ADAMTS3: variants seen among roughly 807,000 people sequenced by gnomAD.
The protein encoded by ADAMTS3 is ADAM metallopeptidase with thrombospondin type 1 motif 3.
A neutral mutation model predicts 129.0 loss-of-function variants in ADAMTS3; 73 were observed. That is an observed-to-expected ratio of 0.57 (90% CI 0.47 to 0.69). The LOEUF (loss-of-function observed/expected upper bound fraction) is 0.69. Ranked by LOEUF, ADAMTS3 falls within the 30% of genes least tolerant of loss-of-function variation. The pLI is 0.00. For synonymous variants in ADAMTS3, 477 were observed against 510.8 expected (o/e 0.93, Z 0.89); for missense variants, 1,457 against 1,514.5 (o/e 0.96, Z 0.63).
chr4:72,343,106 C>G (rs1166211591), intron 4 of ADAMTS3, among the ~76,000 whole-genome samples: 3 of 152,134 alleles, frequency 2.0e-5, no homozygotes, highest in East Asian at 1.9e-4. Context: ...TAAGGGCCCA[C>G]AGATTAGTTG....
chr4:72,477,078 T>A (rs1231658648), intron 3 of ADAMTS3, among the ~76,000 whole-genome samples: 1 of 152,034 alleles, frequency 6.6e-6, no homozygotes, highest in Admixed American at 6.6e-5. Context: ...AACATTATAT[T>A]TAAGTGGTAA....
intron 3 of ADAMTS3, among the ~76,000 whole-genome samples, chr4:72,447,164 C>T (rs766117834): frequency 4.6e-5 from 7 of 151,692 alleles, no homozygotes; most frequent in Non-Finnish European, 1.0e-4. Flanking sequence ...GCAGATTATA[C>T]AAGGGCTCTA....
intron 2 of ADAMTS3, among the ~76,000 whole-genome samples, chr4:72,555,457 T>C (rs2109798327): frequency 6.6e-6 from 1 of 151,922 alleles, no homozygotes; most frequent in African/African-American, 2.4e-5. Flanking sequence ...AGCCCCATCT[T>C]TTCCAAGAAA....
intron 3 of ADAMTS3, 151 bp downstream of exon 3, chr4:72,548,327 A>G (rs973946326): frequency 2.7e-6 from 2 of 754,266 alleles, no homozygotes; most frequent in African/African-American, 3.5e-5. Flanking sequence ...CATATCTTTG[A>G]CAGCAAAATG....
chr4:72,372,671 C>T (rs898669341), intron 4 of ADAMTS3, among the ~76,000 whole-genome samples: 4 of 151,680 alleles, frequency 2.6e-5, no homozygotes, highest in African/African-American at 9.7e-5. Context: ...TTTTTATATG[C>T]TAGATATAGA....
chr4:72,282,681 C>T lies in ADAMTS3; in HGVS notation c.*455G>A, dbSNP rs1718382488. ...TATTTACACAACAGCTGCAAATTTG[C>T]TCATACAATATTTCTAATATAGATA... On this transcript the variant is annotated 3_prime_UTR_variant, in exon 22 of 22. Transcript: ENST00000286657. The T allele has an allele frequency of 1.3e-5, 2 of 153,540 alleles. No homozygotes were observed. Among genetic ancestry groups the T allele is most frequent in the South Asian group, 4.1e-4 (2 of 4,858 alleles). The allele number at this position is 153,540 out of a possible 1,614,324, so 9.5% of individuals were successfully genotyped here. A position where few individuals can be genotyped will look rare whatever the true frequency, so the allele number is the denominator to read the frequency against.
chr4:72,541,775 G>T (rs1721332153), intron 3 of ADAMTS3, among the ~76,000 whole-genome samples: 1 of 152,108 alleles, frequency 6.6e-6, no homozygotes. Flanking sequence ...TTCCTCCTTT[G>T]CCTTCCACCA....
chr4:72,442,492 G>A (rs1718143697), intron 3 of ADAMTS3, among the ~76,000 whole-genome samples: 1 of 151,628 alleles, frequency 6.6e-6, no homozygotes, highest in Non-Finnish European at 1.5e-5. Context: ...CAAGGCAGGA[G>A]GAAGGTGCCA....
chr4:72,477,321 C>A (rs1349954834), intron 3 of ADAMTS3, among the ~76,000 whole-genome samples: 1 of 152,096 alleles, frequency 6.6e-6, no homozygotes, highest in Middle Eastern at 3.2e-3. Flanking sequence ...TGTAAAAGAA[C>A]AGAAATTATA....
At chr4:72,523,517 G>T (rs1171765018) in intron 3 of ADAMTS3, among the ~76,000 whole-genome samples, 1 of 151,952 alleles carries the variant, frequency 6.6e-6, no homozygotes, top group African/African-American at 2.4e-5. Flanking sequence ...CTTATTGTCT[G>T]CCCAGCATAA....
In ADAMTS3 at chr4:72,288,735, T is replaced by C. The variant is rs535523179; in HGVS notation, c.3049+16A>G. ...AAAAACATCAGAGCAGTGAAGTCAA[T>C]TGGTGTGACACCTACCATTACAAGG... On this transcript the variant is annotated intron_variant, in intron 21 of 21. Coordinates refer to ENST00000286657, the MANE Select transcript of ADAMTS3 (RefSeq NM_014243.3). 2.0e-6 allele frequency: 3 copies of C among 1,519,108 alleles called. No individual in the cohort carries two copies. Among genetic ancestry groups the C allele is most frequent in the Admixed American group, 1.7e-5 (1 of 59,752 alleles). The allele number at this position is 1,519,108 out of a possible 1,614,324, so 94.1% of individuals were successfully genotyped here.
At chr4:72,470,289 AT>A (rs1719032496) in intron 3 of ADAMTS3, among the ~76,000 whole-genome samples, 1 of 151,092 alleles carries the variant, frequency 6.6e-6, no homozygotes, top group African/African-American at 2.4e-5. Context: ...TCAGGCAGAT[AT>A]TCTAATCACC....
chr4:72,328,371 C>T (rs569689401), intron 5 of ADAMTS3, among the ~76,000 whole-genome samples: 42 of 152,318 alleles, frequency 2.8e-4, no homozygotes, highest in Non-Finnish European at 4.9e-4. Context: ...CAGGACATTT[C>T]GCTGGCAGGA....
chr4:72,335,333 C>T (rs559067395), intron 5 of ADAMTS3, among the ~76,000 whole-genome samples: 7 of 152,202 alleles, frequency 4.6e-5, no homozygotes, highest in South Asian at 2.1e-4. Context: ...CGCATTCATA[C>T]GCACAGTCAT....
chr4:72,495,454 T>C (rs191463290), intron 3 of ADAMTS3, among the ~76,000 whole-genome samples: 1 of 152,276 alleles, frequency 6.6e-6, no homozygotes, highest in Non-Finnish European at 1.5e-5. Context: ...CAGGTTTACA[T>C]TATTAATAAG....
intron 3 of ADAMTS3, among the ~76,000 whole-genome samples, chr4:72,472,695 G>A (rs539496586): frequency 6.6e-6 from 1 of 152,236 alleles, no homozygotes; most frequent in Non-Finnish European, 1.5e-5. Flanking sequence ...AGAAAAATCA[G>A]AGTTGTGCTA....
chr4:72,444,234 C>T (rs1307167499), intron 3 of ADAMTS3, among the ~76,000 whole-genome samples: 1 of 151,704 alleles, frequency 6.6e-6, no homozygotes, highest in African/African-American at 2.4e-5. Flanking sequence ...AAAGAATTCA[C>T]TGCTACCCTC....
At chr4:72,466,043 G>A (rs567561835) in intron 3 of ADAMTS3, among the ~76,000 whole-genome samples, 3 of 152,132 alleles carry the variant, frequency 2.0e-5, no homozygotes, top group Admixed American at 1.3e-4. Flanking sequence ...TTAGCAGCAT[G>A]AGAACTGACT....
At chr4:72,550,114 A>G (rs34373035) in intron 2 of ADAMTS3, among the ~76,000 whole-genome samples, 25,344 of 96,542 alleles carry the variant, frequency 0.26, 7,213 homozygotes, top group South Asian at 0.51. Flanking sequence ...AAGAAGAAGA[A>G]GAAGGCATAG....
Sources: gnomAD v4.1 joint callset for allele counts (sites outside exome capture counted in the v4.1 genomes callset) on GRCh38, gnomAD v4.1.1 for gene constraint, MANE v1.5 for transcripts, NCBI Gene and HGNC (gene_info 2026-07-23, HGNC 2026-07-21) for gene names.